PLCH1: variants seen among roughly 807,000 people sequenced by gnomAD.
PLCH1 encodes phospholipase C eta 1.
PLCH1 carries 60 observed loss-of-function variants against 126.7 expected under a neutral mutation model. The observed-to-expected ratio is 0.47, with a 90% CI of 0.38 to 0.59. The LOEUF is 0.59. Among genes scored for constraint, PLCH1 ranks in the 20% least tolerant of loss-of-function variants. The pLI, the probability that PLCH1 is intolerant of heterozygous loss-of-function variation, is 0.00. For synonymous variants in PLCH1, 719 were observed against 734.9 expected, an observed-to-expected ratio of 0.98 and a Z score of 0.35; for missense variants, 1,723 against 2,040.0, an observed-to-expected ratio of 0.84 and a Z score of 2.99.
chr3:155,499,276 G>A (rs1717542135), intron 14 of PLCH1, among the ~76,000 whole-genome samples: 1 of 152,130 alleles, frequency 6.6e-6, no homozygotes, highest in South Asian at 2.1e-4. Flanking sequence ...GGTAAGTGAG[G>A]GGAATGTGAT....
chr3:155,514,163 T>G (rs1446752289), intron 12 of PLCH1, among the ~76,000 whole-genome samples: 2 of 152,174 alleles, frequency 1.3e-5, no homozygotes, highest in Non-Finnish European at 2.9e-5. Context: ...TACCAACATC[T>G]TCTTCATCAT....
At chr3:155,629,158 C>T (rs1010651007) in intron 2 of PLCH1, among the ~76,000 whole-genome samples, 4 of 152,176 alleles carry the variant, frequency 2.6e-5, no homozygotes, top group African/African-American at 9.7e-5. Context: ...ACACATTAGG[C>T]TTTCAACAAA....
Position 155,492,871 on chromosome 3 carries a change from T to C in PLCH1, c.2183-18A>G. ...GAAAGTACCTAGGCCAAGTAAAGTA[T>C]AAGTTGGTAACATAAGAAGAAACAC... On this transcript the variant is annotated intron_variant, in intron 17 of 22. Transcript: ENST00000460012. 1 of 1,563,412 alleles carries C rather than the reference T, an allele frequency of 6.4e-7. No homozygotes were observed. The highest frequency in any genetic ancestry group is 8.6e-7 in the Non-Finnish European group (1 of 1,158,062).
chr3:155,700,258 AG>A (rs972488052), intron 2 of PLCH1, among the ~76,000 whole-genome samples: 9 of 152,238 alleles, frequency 5.9e-5, no homozygotes, highest in Non-Finnish European at 1.3e-4. Flanking sequence ...GTGGCCAGGA[AG>A]GGGAGGCTGG....
chr3:155,641,671 G>T (rs1358996127), intron 2 of PLCH1, among the ~76,000 whole-genome samples: 1 of 152,108 alleles, frequency 6.6e-6, no homozygotes, highest in Non-Finnish European at 1.5e-5. Flanking sequence ...ATTACACATT[G>T]TATGCCTGTA....
At chr3:155,703,082 C>T (rs912367176) in intron 2 of PLCH1, among the ~76,000 whole-genome samples, 9 of 152,166 alleles carry the variant, frequency 5.9e-5, no homozygotes, top group African/African-American at 1.7e-4. Context: ...TCTCTTTCTT[C>T]ATCTGTAAAA....
chr3:155,738,787 CA>C (rs34836979), intron 1 of PLCH1, among the ~76,000 whole-genome samples: 392 of 119,602 alleles, frequency 3.3e-3, no homozygotes, highest in Middle Eastern at 8.4e-3. Context: ...ACTCCACCTC[CA>C]AAAAAAAAAA....
chr3:155,466,878 A>G (rs986213758), intron 21 of PLCH1, among the ~76,000 whole-genome samples: 2 of 152,222 alleles, frequency 1.3e-5, no homozygotes, highest in Non-Finnish European at 2.9e-5. Context: ...GAGTTCTTTA[A>G]TTGTGGACTT....
intron 2 of PLCH1, among the ~76,000 whole-genome samples, chr3:155,684,289 GAGA>G (rs2109022657): frequency 6.6e-6 from 1 of 152,288 alleles, no homozygotes; most frequent in African/African-American, 2.4e-5. Flanking sequence ...GGGTAGAGAG[GAGA>G]AGATGATTCT....
chr3:155,521,069 C>G (rs754286803), intron 11 of PLCH1, among the ~76,000 whole-genome samples: 2 of 152,148 alleles, frequency 1.3e-5, no homozygotes, highest in Non-Finnish European at 2.9e-5. Flanking sequence ...GCTAACTCTT[C>G]ACTTCTTTCA....
intron 2 of PLCH1, among the ~76,000 whole-genome samples, chr3:155,624,848 C>T (rs908152423): frequency 2.6e-5 from 4 of 152,166 alleles, no homozygotes; most frequent in Non-Finnish European, 5.9e-5. Context: ...ATGCTCTCCC[C>T]ATCAAGCTAC....
intron 10 of PLCH1, among the ~76,000 whole-genome samples, chr3:155,547,586 C>T (rs1374768628): frequency 6.6e-6 from 1 of 152,044 alleles, no homozygotes; most frequent in African/African-American, 2.4e-5. Flanking sequence ...AAGACACATG[C>T]ACATGTATGT....
chr3:155,462,739 A>G lies in PLCH1; in HGVS notation c.2938+22617T>C, dbSNP rs576941885. 3.3e-5 allele frequency among the ~76,000 whole-genome samples: 5 copies of G among 152,258 alleles called. No homozygotes were observed. The South Asian group carries it at 1.0e-3, about 32-fold the overall frequency. On this transcript the variant is annotated intron_variant, in intron 21 of 21. Coordinates refer to the PLCH1 transcript ENST00000494598. Reference sequence around the variant, plus strand: ...TTGTTTCAGCTACTCAGCTACTCGCACAGTGGTTAAGTCCCAGCTACTGTT... The same window carrying G: ...TTGTTTCAGCTACTCAGCTACTCGCGCAGTGGTTAAGTCCCAGCTACTGTT...
At chr3:155,663,646 G>T (rs375712593) in intron 2 of PLCH1, among the ~76,000 whole-genome samples, 1 of 152,076 alleles carries the variant, frequency 6.6e-6, no homozygotes, top group Non-Finnish European at 1.5e-5. Flanking sequence ...TGTGCCTCAC[G>T]CAGGGGCTAT....
At chr3:155,654,219 A>T (rs1741104629) in intron 2 of PLCH1, among the ~76,000 whole-genome samples, 1 of 151,688 alleles carries the variant, frequency 6.6e-6, no homozygotes, top group Admixed American at 6.6e-5. Context: ...CTCATGTCAT[A>T]TTGGGCAATC....
chr3:155,636,125 C>G (rs1738690965), intron 2 of PLCH1, among the ~76,000 whole-genome samples: 1 of 152,176 alleles, frequency 6.6e-6, no homozygotes, highest in Non-Finnish European at 1.5e-5. Flanking sequence ...CAACTTCCCT[C>G]ACATCTCACT....
chr3:155,533,061 G>A (rs932598621), intron 10 of PLCH1, among the ~76,000 whole-genome samples: 7 of 152,220 alleles, frequency 4.6e-5, no homozygotes, highest in African/African-American at 1.7e-4. Context: ...ATGGAGATGA[G>A]GAACTTTTTG....
Position 155,458,355 on chromosome 3 carries a change from A to G in PLCH1, c.2938+27001T>C, listed in dbSNP as rs1256133380. Among the ~76,000 whole-genome samples the G allele has an allele frequency of 3.4e-4, 48 of 139,590 alleles. 1 individual carries two copies. The highest frequency in any genetic ancestry group is 6.1e-4 in the Non-Finnish European group (40 of 65,734). 91.6% of individuals were successfully genotyped at this position (139,590 alleles called of 152,430 possible). A position where few individuals can be genotyped will look rare whatever the true frequency, so the allele number is the denominator to read the frequency against. On this transcript the variant is annotated intron_variant, in intron 21 of 21. Coordinates refer to the PLCH1 transcript ENST00000494598. ...AGACTCCATGTCAAAAAAAAAAAAA[A>G]AAAGAAAGAAAGAAGAAAGAAAGAA...
Position 155,461,912 on chromosome 3 carries a change from T to C in PLCH1, c.2938+23444A>G, listed in dbSNP as rs190838799. Among the ~76,000 whole-genome samples the C allele has an allele frequency of 5.1e-4, 77 of 152,226 alleles. 3 individuals carry two copies. The East Asian group carries it at 0.011, about 21-fold the overall frequency. Reference sequence around the variant, plus strand: ...ATCAGGCTCAGATCCTATGTATGGATTGGAAAAGCAAGGGCTCTGGGAACC... The same window carrying C: ...ATCAGGCTCAGATCCTATGTATGGACTGGAAAAGCAAGGGCTCTGGGAACC... On this transcript the variant is annotated intron_variant, in intron 21 of 21. Coordinates refer to the PLCH1 transcript ENST00000494598.
Sources: allele counts gnomAD v4.1 joint callset (sites outside exome capture counted in the v4.1 genomes callset), GRCh38; gene constraint gnomAD v4.1.1; transcripts MANE v1.5; gene names NCBI Gene and HGNC (gene_info 2026-07-23, HGNC 2026-07-21).